SLC30A8: variants seen among roughly 807,000 people sequenced by gnomAD.
SLC30A8 encodes solute carrier family 30 member 8, also known as proton-coupled zinc antiporter SLC30A8.
A neutral mutation model predicts 36.9 loss-of-function variants in SLC30A8; 27 were observed. The observed-to-expected ratio is 0.73, with a 90% CI of 0.54 to 1.01. The LOEUF (loss-of-function observed/expected upper bound fraction) is 1.01. Among genes scored for constraint, SLC30A8 ranks in the 50% least tolerant of loss-of-function variants. The pLI is 0.00. For missense variants in SLC30A8, 439 were observed against 452.0 expected (o/e 0.97, Z 0.26); for synonymous variants, 164 against 172.4 (o/e 0.95, Z 0.38).
intron 2 of SLC30A8, among the ~76,000 whole-genome samples, chr8:117,148,968 A>G (rs1011320597): frequency 1.3e-5 from 2 of 152,130 alleles, no homozygotes; most frequent in African/African-American, 4.8e-5. Flanking sequence ...TGTCTCATGG[A>G]TCTTCCTCAT....
chr8:117,152,644 T>C (rs972722938), intron 2 of SLC30A8, among the ~76,000 whole-genome samples: 1 of 152,174 alleles, frequency 6.6e-6, no homozygotes, highest in Non-Finnish European at 1.5e-5. Context: ...TGTATTCTCC[T>C]CTTTTGAATC....
intron 2 of SLC30A8, among the ~76,000 whole-genome samples, chr8:117,125,179 A>G (rs1232466681): frequency 6.6e-6 from 1 of 152,018 alleles, no homozygotes; most frequent in African/African-American, 2.4e-5. Context: ...TTTTATCAGA[A>G]TAAGAAGTTT....
At chr8:117,169,499 C>T (rs1823254017) in intron 6 of SLC30A8, among the ~76,000 whole-genome samples, 1 of 152,144 alleles carries the variant, frequency 6.6e-6, no homozygotes, top group African/African-American at 2.4e-5. Context: ...TCATTATAAT[C>T]CTCTGGGAAG....
intron 1 of SLC30A8, among the ~76,000 whole-genome samples, chr8:116,972,200 A>G (rs980246602): frequency 6.6e-6 from 1 of 152,230 alleles, no homozygotes. Flanking sequence ...ACCATTAGAA[A>G]TATCATGCAA....
At chr8:117,118,014 G>A (rs941646537) in intron 2 of SLC30A8, among the ~76,000 whole-genome samples, 2 of 151,810 alleles carry the variant, frequency 1.3e-5, no homozygotes, top group African/African-American at 2.4e-5. Context: ...CTGAGATACT[G>A]TCTTTTCCTT....
At chr8:117,038,940 T>A (rs1817299727) in intron 1 of SLC30A8, among the ~76,000 whole-genome samples, 1 of 152,194 alleles carries the variant, frequency 6.6e-6, no homozygotes, top group East Asian at 1.9e-4. Context: ...GTTAGATGCC[T>A]AAGTGCAGTT....
At chr8:116,977,141 CTTTTTTT>C (rs71305451) in intron 1 of SLC30A8, among the ~76,000 whole-genome samples, 1 of 59,094 alleles carries the variant, frequency 1.7e-5, no homozygotes, top group Non-Finnish European at 2.8e-5. Flanking sequence ...CTTTTTCTTG[CTTTTTTT>C]TTTTTTTTTT....
intron 2 of SLC30A8, among the ~76,000 whole-genome samples, chr8:117,112,172 T>C (rs1820255389): frequency 1.3e-5 from 2 of 152,176 alleles, no homozygotes; most frequent in South Asian, 2.1e-4. Flanking sequence ...GGTTCATTGA[T>C]AAATGACAGG....
intron 6 of SLC30A8, among the ~76,000 whole-genome samples, chr8:117,167,649 T>A (rs1586617118): frequency 6.6e-6 from 1 of 152,138 alleles, no homozygotes; most frequent in Non-Finnish European, 1.5e-5. Flanking sequence ...TACCCCATTC[T>A]TCTTCACAGC....
intron 1 of SLC30A8, among the ~76,000 whole-genome samples, chr8:116,954,820 AG>A (rs1814131827): frequency 1.3e-5 from 2 of 152,202 alleles, no homozygotes; most frequent in South Asian, 4.1e-4. Flanking sequence ...GTTAATGGAT[AG>A]CCAAATAAGA....
intron 2 of SLC30A8, among the ~76,000 whole-genome samples, chr8:117,052,228 C>T (rs1323505060): frequency 1.3e-5 from 2 of 152,180 alleles, no homozygotes; most frequent in East Asian, 1.9e-4. Context: ...TCAGGCTGGT[C>T]TTGGACTCCT....
intron 6 of SLC30A8, among the ~76,000 whole-genome samples, chr8:117,169,859 C>A (rs1323517139): frequency 3.3e-5 from 5 of 152,136 alleles, no homozygotes; most frequent in Non-Finnish European, 7.4e-5. Flanking sequence ...ATGACCCAAA[C>A]ACCTCCCACC....
intron 1 of SLC30A8, among the ~76,000 whole-genome samples, chr8:117,008,632 A>G (rs1816253002): frequency 6.6e-6 from 1 of 152,174 alleles, no homozygotes; most frequent in South Asian, 2.1e-4. Context: ...CAATGAGTTT[A>G]TAGATGTTCC....
chr8:117,072,408 C>T (rs1380644225), intron 2 of SLC30A8, among the ~76,000 whole-genome samples: 1 of 152,064 alleles, frequency 6.6e-6, no homozygotes, highest in Non-Finnish European at 1.5e-5. Context: ...TTTTTAAAAG[C>T]CTATCCCTAA....
chr8:117,101,466 A>C (rs1159196395), intron 2 of SLC30A8, among the ~76,000 whole-genome samples: 1 of 152,182 alleles, frequency 6.6e-6, no homozygotes, highest in African/African-American at 2.4e-5. Context: ...CAGCCACTGA[A>C]GACACTGGAA....
chr8:117,161,233 T>A (rs889406364), intron 4 of SLC30A8, among the ~76,000 whole-genome samples: 5 of 152,250 alleles, frequency 3.3e-5, no homozygotes, highest in Admixed American at 6.5e-5. Context: ...AATTTAAAAT[T>A]CTTTTGAAAA....
intron 1 of SLC30A8, among the ~76,000 whole-genome samples, chr8:116,986,715 G>T (rs1289135851): frequency 6.6e-6 from 1 of 152,086 alleles, no homozygotes; most frequent in East Asian, 1.9e-4. Context: ...GCAGGATTGG[G>T]GAAGGGAGAG....
chr8:117,148,058 TTTG>T (rs1181152346), intron 2 of SLC30A8, among the ~76,000 whole-genome samples: 6 of 152,046 alleles, frequency 3.9e-5, no homozygotes, highest in Non-Finnish European at 8.8e-5. Context: ...GCTTTTCCAG[TTTG>T]TTGTTTAACC....
rs541602589 is a variant in SLC30A8, at chr8:116,993,166, T to G, written c.-266+42047T>G. 6.6e-5 allele frequency among the ~76,000 whole-genome samples: 10 copies of G among 152,298 alleles called. 1 individual carries two copies. The South Asian group carries it at 2.1e-3, about 32-fold the overall frequency. The stretch of plus-strand genomic sequence containing the variant: ...CTCTGAGAGGCTTAGTAGAGAATAG[T>G]TGCTTGAGAGCTGAGCAAAGATTAT... On this transcript the variant is annotated intron_variant, in intron 1 of 10. Coordinates refer to the SLC30A8 transcript ENST00000427715.
Sources: allele counts gnomAD v4.1 joint callset (sites outside exome capture counted in the v4.1 genomes callset), GRCh38; gene constraint gnomAD v4.1.1; transcripts MANE v1.5; gene names NCBI Gene and HGNC (gene_info 2026-07-23, HGNC 2026-07-21).